KLF7: variants seen among roughly 807,000 people sequenced by gnomAD.
The protein encoded by KLF7 is Krueppel-like factor 7.
Under a neutral mutation model 27.3 loss-of-function variants are expected in KLF7, and 2 were observed. The ratio of observed to expected loss-of-function variants is 0.07; its 90% CI spans 0.03 to 0.23. The LOEUF (loss-of-function observed/expected upper bound fraction) is 0.23, where lower values mean the gene tolerates loss of function less well. KLF7 is among the 10% of genes least tolerant of loss of function. KLF7 has a pLI of 1.00. For missense variants in KLF7, 221 were observed against 394.1 expected (o/e 0.56, Z 3.72); for synonymous variants, 165 against 162.4 (o/e 1.02, Z -0.12).
At chr2:207,173,122 A>G in the KLF7 span, among the ~76,000 whole-genome samples, 2 of 152,182 alleles carry the variant, frequency 1.3e-5, no homozygotes, top group Non-Finnish European at 2.9e-5. Context: ...CATGGTTTGA[A>G]TTTGGAAGAA....
intron 2 of KLF7, among the ~76,000 whole-genome samples, chr2:207,098,262 T>C (rs1020563091): frequency 6.6e-6 from 1 of 152,210 alleles, no homozygotes. Flanking sequence ...ATCTTGGAAA[T>C]TTAAATATAT....
intron 1 of KLF7, among the ~76,000 whole-genome samples, chr2:207,151,198 G>A (rs2078236249): frequency 6.6e-6 from 1 of 152,100 alleles, no homozygotes; most frequent in Non-Finnish European, 1.5e-5. Flanking sequence ...TATCAACACT[G>A]CGCTTATGAA....
chr2:207,101,508 C>T (rs1194238606), intron 2 of KLF7, among the ~76,000 whole-genome samples: 3 of 152,134 alleles, frequency 2.0e-5, no homozygotes, highest in Admixed American at 6.5e-5. Flanking sequence ...ACAGCATGCA[C>T]AAAGGCCCAG....
Position 207,123,858 on chromosome 2 carries a change from T to G in KLF7, c.649A>C (p.Arg217=). ...CCGTTAAACTGACAGCGGTGAACCC[T>G]CTTCTTGTTTTCGGGACATGCTTCA... ...GAEACPENKK[R]VHRCQFNGCR... is the part of the protein sequence containing the mutation. The change falls in exon 2 of 4, where the codon AGG becomes CGG. Residue 217 remains arginine, a synonymous_variant. Transcript: ENST00000309446. 1 of 1,614,036 alleles carries G rather than the reference T, an allele frequency of 6.2e-7. No individual in the cohort carries two copies. The highest frequency in any genetic ancestry group is 8.5e-7 in the Non-Finnish European group (1 of 1,180,022).
chr2:207,139,732 C>G (rs2077887116), intron 1 of KLF7, among the ~76,000 whole-genome samples: 1 of 152,184 alleles, frequency 6.6e-6, no homozygotes, highest in Non-Finnish European at 1.5e-5. Context: ...TGACAACACC[C>G]TTAATTATGC....
In KLF7 at chr2:207,078,131, A is replaced by G. The variant is rs747000692; in HGVS notation, c.*3082T>C. The G allele has an allele frequency of 2.0e-5, 3 of 152,336 alleles. No individual in the cohort carries two copies. The highest frequency in any genetic ancestry group is 1.9e-4 in the East Asian group (1 of 5,188). 9.4% of individuals were successfully genotyped at this position (152,336 alleles called of 1,614,324 possible). ...GACGTTTTATTACAAATCCATTTCC[A>G]AAATGATCAGGACTGGTCATCATTC... On this transcript the variant is annotated 3_prime_UTR_variant, in exon 4 of 4. Coordinates refer to ENST00000309446, the MANE Select transcript of KLF7 (RefSeq NM_003709.4).
At chr2:207,086,240 C>T (rs115319837) in intron 3 of KLF7, among the ~76,000 whole-genome samples, 1,590 of 152,282 alleles carry the variant, frequency 0.01, 38 homozygotes, top group African/African-American at 0.036. Context: ...TGAAGGTAAA[C>T]ATCTTCTAAG....
In KLF7 at chr2:207,077,808, C is replaced by G. The variant is rs1173442317; in HGVS notation, c.*3405G>C. ...TGAAATTACAAAAAAAAAAAATTGTCAGTGGCTTAGAAACTCTTTTTCTAC... is the reference window on the plus strand; with the variant it reads ...TGAAATTACAAAAAAAAAAAATTGTGAGTGGCTTAGAAACTCTTTTTCTAC... On this transcript the variant is annotated 3_prime_UTR_variant, in exon 4 of 4. Coordinates refer to ENST00000309446, the MANE Select transcript of KLF7 (RefSeq NM_003709.4). The G allele has an allele frequency of 6.6e-6, 1 of 151,810 alleles. No individual in the cohort carries two copies. 9.4% of individuals were successfully genotyped at this position (151,810 alleles called of 1,614,324 possible).
chr2:207,127,652 G>GCCAA (rs933649068), intron 1 of KLF7, among the ~76,000 whole-genome samples: 9 of 152,160 alleles, frequency 5.9e-5, no homozygotes, highest in African/African-American at 1.2e-4. Context: ...AACCAGCCTG[G>GCCAA]CCAATATGAT....
At chr2:207,148,896 G>A in intron 1 of KLF7, 1 of 483,294 alleles carries the variant, frequency 2.1e-6, no homozygotes, top group Non-Finnish European at 2.8e-6. Flanking sequence ...TGGGGGCAGG[G>A]ATCTCCTATC....
chr2:207,158,299 A>G (rs2078446538), intron 1 of KLF7, among the ~76,000 whole-genome samples: 1 of 152,190 alleles, frequency 6.6e-6, no homozygotes, highest in Non-Finnish European at 1.5e-5. Context: ...GACAATGGTA[A>G]AAATTAGGCC....
At chr2:207,135,569 A>AAATG (rs1227975194) in intron 1 of KLF7, among the ~76,000 whole-genome samples, 5 of 152,194 alleles carry the variant, frequency 3.3e-5, no homozygotes, top group African/African-American at 7.2e-5. Flanking sequence ...AGCATTTGTC[A>AAATG]AATGAATGAA....
chr2:207,140,035 C>A (rs139731458), intron 1 of KLF7, among the ~76,000 whole-genome samples: 1,900 of 152,202 alleles, frequency 0.012, 106 homozygotes, highest in Admixed American at 0.099. Context: ...ACTATAGGTG[C>A]CCGCCATCAC....
rs182236542 is a variant in KLF7, at chr2:207,127,818, G to C, written c.103-3414C>G. ...AGATTGCACCACTGCACTCCAGCCT[G>C]GGTGACAGAGCAAGATTCTGTGTCA... On this transcript the variant is annotated intron_variant, in intron 1 of 3. Coordinates refer to ENST00000309446, the MANE Select transcript of KLF7 (RefSeq NM_003709.4). Among the ~76,000 whole-genome samples the C allele has an allele frequency of 9.7e-4, 148 of 152,160 alleles. 5 individuals are homozygous for C. The East Asian group carries it at 0.024, about 24-fold the overall frequency.
chr2:207,120,667 A>T (rs112965858), intron 2 of KLF7, among the ~76,000 whole-genome samples: 6 of 152,310 alleles, frequency 3.9e-5, no homozygotes, highest in Admixed American at 1.3e-4. Flanking sequence ...GCCCATTTTT[A>T]AAAAATCTTC....
chr2:207,114,285 C>T (rs1302776850), intron 2 of KLF7, among the ~76,000 whole-genome samples: 1 of 152,178 alleles, frequency 6.6e-6, no homozygotes, highest in Non-Finnish European at 1.5e-5. Flanking sequence ...TCAACAGGCT[C>T]ATGACCAATT....
upstream of KLF7, chr2:207,166,977 G>T (rs1446676588): frequency 1.3e-6 from 1 of 756,332 alleles, no homozygotes; most frequent in Non-Finnish European, 1.7e-6. Flanking sequence ...GCCTCCTTCT[G>T]ACCCCGAGCG....
upstream of KLF7, chr2:207,166,937 G>GCGCGCC: frequency 1.4e-6 from 1 of 710,130 alleles, no homozygotes; most frequent in Non-Finnish European, 1.8e-6. Context: ...CCCGCCCCGC[G>GCGCGCC]GGCGCCGCCG....
intron 2 of KLF7, among the ~76,000 whole-genome samples, chr2:207,100,432 T>C (rs973821516): frequency 1.3e-5 from 2 of 152,162 alleles, no homozygotes; most frequent in East Asian, 1.9e-4. Context: ...TTTCATTTGT[T>C]TGTTGTTTTG....
Sources: allele counts gnomAD v4.1 joint callset (sites outside exome capture counted in the v4.1 genomes callset), GRCh38; gene constraint gnomAD v4.1.1; transcripts MANE v1.5; gene names NCBI Gene and HGNC (gene_info 2026-07-23, HGNC 2026-07-21).